The following ARHGAP42 variants were observed in gnomAD, a reference collection of about 807,000 sequenced individuals.
ARHGAP42 encodes Rho GTPase activating protein 42.
A neutral mutation model predicts 125.0 loss-of-function variants in ARHGAP42; 63 were observed. The observed-to-expected ratio is 0.50, with a 90% confidence interval of 0.41 to 0.62. The LOEUF (loss-of-function observed/expected upper bound fraction) is 0.62, where lower values mean the gene tolerates loss of function less well. ARHGAP42 is among the 20% of genes least tolerant of loss of function. The pLI is 0.00. For missense variants in ARHGAP42, 766 were observed against 1,024.2 expected (o/e 0.75, Z 3.44); for synonymous variants, 339 against 351.0 (o/e 0.97, Z 0.38).
intron 4 of ARHGAP42, among the ~76,000 whole-genome samples, chr11:100,877,732 C>T (rs954522377): frequency 3.3e-5 from 5 of 152,026 alleles, no homozygotes; most frequent in Admixed American, 6.5e-5. Flanking sequence ...CCAGGGTGGG[C>T]GCGGTGGCTC....
chr11:100,704,795 C>T (rs993887298), intron 1 of ARHGAP42, among the ~76,000 whole-genome samples: 8 of 151,054 alleles, frequency 5.3e-5, no homozygotes, highest in African/African-American at 1.7e-4. Flanking sequence ...CCGCCCCCGC[C>T]GCCCACTCCT....
chr11:100,726,448 C>G (rs989466757), intron 1 of ARHGAP42, among the ~76,000 whole-genome samples: 4 of 152,018 alleles, frequency 2.6e-5, no homozygotes, highest in Non-Finnish European at 2.9e-5. Flanking sequence ...GTAATAGAAC[C>G]CAAATTCAGC....
rs892602230 is a variant in ARHGAP42, at chr11:100,974,549, A to T, written c.1801A>T (p.Thr601Ser). 6.4e-7 allele frequency: 1 copy of T among 1,550,964 alleles called. No individual in the cohort carries two copies. Among genetic ancestry groups the T allele is most frequent in the African/African-American group, 1.4e-5 (1 of 72,962 alleles). ...AAGGACACGAGCAATCTGCCTCTCT[A>T]CAGGGTCTAGGAAGCCCAGAGGGAG... ...SRRTRAICLS[T>S]GSRKPRGRYT... The change falls in exon 19 of 24, where the codon ACA becomes TCA. Residue 601 changes from threonine to serine, a missense_variant. This residue lies in a region of ARHGAP42 where 308 missense variants were observed against 369.7 expected (regional missense o/e 0.83). Coordinates refer to ENST00000298815, the MANE Select transcript of ARHGAP42 (RefSeq NM_152432.4).
chr11:100,823,228 A>T (rs1864443008), intron 3 of ARHGAP42, among the ~76,000 whole-genome samples: 1 of 152,200 alleles, frequency 6.6e-6, no homozygotes, highest in African/African-American at 2.4e-5. Flanking sequence ...AGAACTGGGA[A>T]TCAACATATT....
intron 3 of ARHGAP42, among the ~76,000 whole-genome samples, chr11:100,801,418 G>T (rs959285964): frequency 6.6e-6 from 1 of 151,902 alleles, no homozygotes; most frequent in African/African-American, 2.4e-5. Context: ...CAAAAATATC[G>T]ACTGGATGCA....
At chr11:100,920,394 C>T (rs557115026) in intron 5 of ARHGAP42, among the ~76,000 whole-genome samples, 1 of 152,246 alleles carries the variant, frequency 6.6e-6, no homozygotes, top group African/African-American at 2.4e-5. Flanking sequence ...CTAATAGAGT[C>T]TGTTAACTGG....
chr11:100,758,510 T>C (rs1862626554), intron 1 of ARHGAP42, among the ~76,000 whole-genome samples: 1 of 152,176 alleles, frequency 6.6e-6, no homozygotes, highest in South Asian at 2.1e-4. Flanking sequence ...GTCACTGTAG[T>C]TTTTTCCTTG....
At chr11:100,775,620 C>T (rs1044174543) in intron 2 of ARHGAP42, among the ~76,000 whole-genome samples, 2 of 152,146 alleles carry the variant, frequency 1.3e-5, no homozygotes, top group African/African-American at 2.4e-5. Context: ...GTTCAAACGG[C>T]TGGATGTCCA....
At chr11:100,783,207 G>A (rs572752746) in intron 2 of ARHGAP42, among the ~76,000 whole-genome samples, 2 of 152,310 alleles carry the variant, frequency 1.3e-5, no homozygotes, top group South Asian at 4.1e-4. Context: ...AGGCTGAGGC[G>A]GGTGGATTGC....
chr11:100,864,767 G>T (rs575586459), intron 4 of ARHGAP42, among the ~76,000 whole-genome samples: 1 of 152,080 alleles, frequency 6.6e-6, no homozygotes, highest in African/African-American at 2.4e-5. Flanking sequence ...CAAATAAATG[G>T]TTTAGTGTGA....
rs1858859783 is a variant in ARHGAP42, at chr11:100,992,458, C to T, written c.*3657C>T. The T allele has an allele frequency of 6.2e-7, 1 of 1,614,088 alleles. No homozygotes were observed. Among genetic ancestry groups the T allele is most frequent in the Admixed American group, 1.7e-5 (1 of 60,014 alleles). On this transcript the variant is annotated 3_prime_UTR_variant, in exon 24 of 24. Coordinates refer to ENST00000298815, the MANE Select transcript of ARHGAP42 (RefSeq NM_152432.4). Reference sequence around the variant, plus strand: ...ACACATTGCTATTTAACTTTGCCTCCTACCCTTTTTTGTTACCTTCCAAAA... The same window carrying T: ...ACACATTGCTATTTAACTTTGCCTCTTACCCTTTTTTGTTACCTTCCAAAA...
At chr11:100,703,999 T>C (rs1476025836) in intron 1 of ARHGAP42, among the ~76,000 whole-genome samples, 1 of 152,152 alleles carries the variant, frequency 6.6e-6, no homozygotes, top group Non-Finnish European at 1.5e-5. Context: ...CAGGCAGTTA[T>C]TGGTGAGAAA....
intron 4 of ARHGAP42, among the ~76,000 whole-genome samples, chr11:100,868,962 A>G (rs1023313621): frequency 2.0e-5 from 3 of 152,124 alleles, no homozygotes; most frequent in African/African-American, 7.2e-5. Context: ...TTGCTATTAT[A>G]TACTTTCTGT....
intron 3 of ARHGAP42, among the ~76,000 whole-genome samples, chr11:100,830,407 G>A (rs918056685): frequency 5.3e-5 from 8 of 152,170 alleles, no homozygotes; most frequent in Admixed American, 2.0e-4. Context: ...GAGAGCACGC[G>A]CTTTCCTTCT....
chr11:100,688,730 T>C (rs1467941851), intron 1 of ARHGAP42, among the ~76,000 whole-genome samples: 1 of 152,150 alleles, frequency 6.6e-6, no homozygotes, highest in Non-Finnish European at 1.5e-5. Flanking sequence ...AATTTATTTT[T>C]ATTTATTTAT....
In ARHGAP42 at chr11:100,985,270, C is replaced by CTCTTTATAAT. The variant is rs1858645933; in HGVS notation, c.2457-2243_2457-2242insTCTTTATAAT. Among the ~76,000 whole-genome samples, 10 of 152,184 alleles carry CTCTTTATAAT rather than the reference C, an allele frequency of 6.6e-5. No homozygotes were observed. In the East Asian group the frequency reaches 1.9e-3, roughly 29 times the overall value. ...ACAACTTCGGAGATTGTTTCCTTAT[C>CTCTTTATAAT]GATCTCTTTATAATTTGTCTTAATG... On this transcript the variant is annotated intron_variant, in intron 22 of 23. Coordinates refer to ENST00000298815, the MANE Select transcript of ARHGAP42 (RefSeq NM_152432.4).
intron 4 of ARHGAP42, among the ~76,000 whole-genome samples, chr11:100,884,135 T>C (rs1486211765): frequency 1.3e-5 from 2 of 152,202 alleles, no homozygotes. Flanking sequence ...TCCCATTGGA[T>C]CCTCATTATT....
At chr11:100,744,039 T>C (rs112128893) in intron 1 of ARHGAP42, among the ~76,000 whole-genome samples, 4,014 of 152,288 alleles carry the variant, frequency 0.026, 68 homozygotes, top group Non-Finnish European at 0.031. Flanking sequence ...GGCATGATCT[T>C]GGCTTACTGC....
At chr11:100,941,935 T>A in intron 9 of ARHGAP42, 51 bp downstream of exon 9, 1 of 1,292,572 alleles carries the variant, frequency 7.7e-7, no homozygotes, top group Non-Finnish European at 1.1e-6. Context: ...ATTATTTAAG[T>A]AATGGAATTA....
Sources: gnomAD v4.1 joint callset for allele counts (sites outside exome capture counted in the v4.1 genomes callset) on GRCh38, gnomAD v4.1.1 for gene constraint, gnomAD v4.1.1 regional missense constraint, MANE v1.5 for transcripts, NCBI Gene and HGNC (gene_info 2026-07-23, HGNC 2026-07-21) for gene names.